The following NUP88 variants were observed in gnomAD, a reference collection of about 807,000 sequenced individuals.
NUP88 encodes the protein nuclear pore complex protein Nup88.
Under a neutral mutation model 93.9 loss-of-function variants are expected in NUP88, and 57 were observed. The ratio of observed to expected loss-of-function variants is 0.61; its 90% CI spans 0.49 to 0.76. The LOEUF is 0.76. Among genes scored for constraint, NUP88 ranks in the 30% least tolerant of loss-of-function variants. NUP88 has a pLI of 0.00. For synonymous variants in NUP88, 346 were observed against 336.8 expected (o/e 1.03, Z -0.30); for missense variants, 911 against 901.0 (o/e 1.01, Z -0.14).
chr17:5,416,180 T>TATATATATACACACAC, intron 2 of NUP88, among the ~76,000 whole-genome samples: 1 of 107,334 alleles, frequency 9.3e-6, no homozygotes, highest in South Asian at 3.4e-4. Flanking sequence ...TATATATATA[T>TATATATATACACACAC]ACACACATAC....
chr17:5,402,986 TCA>T (rs149934888), intron 7 of NUP88, among the ~76,000 whole-genome samples: 1 of 151,554 alleles, frequency 6.6e-6, no homozygotes, highest in African/African-American at 2.4e-5. Flanking sequence ...TGAGATCATA[TCA>T]CACACACACA....
chr17:5,396,316 C>T (rs937349182), intron 8 of NUP88, among the ~76,000 whole-genome samples: 1 of 152,226 alleles, frequency 6.6e-6, no homozygotes, highest in Non-Finnish European at 1.5e-5. Context: ...TACCAAACTT[C>T]CCAGACCTAG....
intron 8 of NUP88, among the ~76,000 whole-genome samples, chr17:5,395,915 G>T (rs1010733152): frequency 7.2e-5 from 11 of 152,164 alleles, no homozygotes; most frequent in African/African-American, 2.7e-4. Flanking sequence ...TTTAGTGTAA[G>T]AATTGTATAC....
At position 5,417,403 on chromosome 17, in the gene NUP88, G is replaced by T. The variant is rs112820512; in HGVS notation, c.298-721C>A. 5.9e-5 allele frequency among the ~76,000 whole-genome samples: 9 copies of T among 152,266 alleles called. No homozygotes were observed. The East Asian group carries it at 1.5e-3, about 26-fold the overall frequency. ...GGATCACTCGACCCCTGACAGTAGAGGCTCCAATGAGCCGTGATCACACCA... is the reference window on the plus strand; with the variant it reads ...GGATCACTCGACCCCTGACAGTAGATGCTCCAATGAGCCGTGATCACACCA... On this transcript the variant is annotated intron_variant, in intron 1 of 16. Coordinates refer to ENST00000573584, the MANE Select transcript of NUP88 (RefSeq NM_002532.6).
intron 10 of NUP88, 71 bp downstream of exon 10, chr17:5,391,490 G>T: frequency 8.1e-7 from 1 of 1,234,054 alleles, no homozygotes; most frequent in Non-Finnish European, 1.2e-6. Flanking sequence ...GTTGGTTACT[G>T]AGTGCATTTT....
rs1914445277 is a variant in NUP88 at position 5,419,373 on chromosome 17, G to A, written c.278C>T (p.Pro93Leu). Residue 93 changes from proline to leucine, a missense_variant, in exon 1 of 17, where the codon CCC (proline) becomes CTC (leucine). By Grantham distance (98) the Pro-to-Leu change is moderately conservative. Coordinates refer to ENST00000573584, the MANE Select transcript of NUP88 (RefSeq NM_002532.6). Reference sequence around the variant, plus strand: ...CATTACCTGGTACTGGGACAGGGCGGGCTCTTCGCCGCCGCCGCTGGGGCC... The same window carrying A: ...CATTACCTGGTACTGGGACAGGGCGAGCTCTTCGCCGCCGCCGCTGGGGCC... ...LRGPSGGGEE[P>L]ALSQYQRLLC... is the part of the protein sequence containing the mutation. The A allele has an allele frequency of 1.2e-6, 2 of 1,600,834 alleles. No individual in the cohort carries two copies. The highest frequency in any genetic ancestry group is 1.7e-6 in the Non-Finnish European group (2 of 1,174,316).
intron 7 of NUP88, among the ~76,000 whole-genome samples, chr17:5,403,658 TCAACAACAA>T (rs55871021): frequency 1.3e-5 from 2 of 150,298 alleles, no homozygotes; most frequent in Non-Finnish European, 3.0e-5. Flanking sequence ...AGACACCATC[TCAACAACAA>T]CAACAACAAC....
Position 5,388,980 on chromosome 17 carries a change from A to G in NUP88, c.1485-20T>C. The G allele has an allele frequency of 6.3e-7, 1 of 1,581,048 alleles. No individual in the cohort carries two copies. Among genetic ancestry groups the G allele is most frequent in the Non-Finnish European group, 8.6e-7 (1 of 1,160,520 alleles). ...GTACTTCTGCAAAATAAGTAAGTAA[A>G]TTGAATTCTACCATGGAGTGATTTA... is the stretch of plus-strand genomic sequence containing the variant. On this transcript the variant is annotated intron_variant, in intron 10 of 16. Coordinates refer to ENST00000573584, the MANE Select transcript of NUP88 (RefSeq NM_002532.6).
intron 2 of NUP88, among the ~76,000 whole-genome samples, chr17:5,416,159 A>ATATATATATATATATATAT (rs1302350232): frequency 1.4e-5 from 1 of 70,984 alleles, no homozygotes; most frequent in African/African-American, 4.9e-5. Context: ...AAAAAAAAAA[A>ATATATATATATATATATAT]AAAAAAAGTA....
At chr17:5,406,349 A>G (rs866580806) in intron 5 of NUP88, among the ~76,000 whole-genome samples, 2 of 152,226 alleles carry the variant, frequency 1.3e-5, no homozygotes, top group Middle Eastern at 3.2e-3. Flanking sequence ...ATTTAGTATG[A>G]TGGGAGGCAA....
intron 3 of NUP88, among the ~76,000 whole-genome samples, chr17:5,412,356 G>C (rs1469113861): frequency 1.3e-5 from 2 of 152,166 alleles, no homozygotes; most frequent in East Asian, 3.8e-4. Flanking sequence ...CAGATGTGGA[G>C]GTACCTGTAA....
rs755474341 is a variant in NUP88 at position 5,419,490 on chromosome 17, T to TGCG, written c.158_160dup (p.Pro53dup). ...AAAGACCACGTTTCTCGTCAGCAACTGCGGCGGCGGCGACGAAGGCAACGA... is the reference window on the plus strand; with the variant it reads ...AAAGACCACGTTTCTCGTCAGCAACTGCGGCGGCGGCGGCGACGAAGGCAACGA... On this transcript the variant is annotated inframe_insertion, in exon 1 of 17. Coordinates refer to ENST00000573584, the MANE Select transcript of NUP88 (RefSeq NM_002532.6). The TGCG allele has an allele frequency of 2.5e-6, 4 of 1,613,960 alleles. No homozygotes were observed. Among genetic ancestry groups the TGCG allele is most frequent in the Middle Eastern group, 1.7e-4 (1 of 6,060 alleles).
chr17:5,413,599 A>G (rs914966670), intron 3 of NUP88, among the ~76,000 whole-genome samples: 1 of 152,192 alleles, frequency 6.6e-6, no homozygotes, highest in African/African-American at 2.4e-5. Context: ...GCTCAATTTA[A>G]AAGATTGGAA....
chr17:5,386,102 C>A lies in NUP88; in HGVS notation c.*104G>T. On this transcript the variant is annotated 3_prime_UTR_variant, in exon 17 of 17. Transcript: ENST00000573584. ...TAAAAAGATGAACCACACCAAAGGT[C>A]ATCAAAACACCTTTTTATAAATTAG... is the stretch of plus-strand genomic sequence containing the variant. 1.3e-6 allele frequency: 1 copy of A among 788,106 alleles called. No homozygotes were observed. Among genetic ancestry groups the A allele is most frequent in the South Asian group, 1.9e-5 (1 of 52,384 alleles). The allele number at this position is 788,106 out of a possible 1,614,324, so 48.8% of individuals were successfully genotyped here. A position where few individuals can be genotyped will look rare whatever the true frequency, so the allele number is the denominator to read the frequency against.
intron 7 of NUP88, 86 bp from the exon 8 acceptor site, chr17:5,399,736 G>A (rs996501866): frequency 9.8e-6 from 6 of 613,428 alleles, no homozygotes; most frequent in Middle Eastern, 5.1e-4. Flanking sequence ...CTCCACATTA[G>A]CCTACAAACG....
At position 5,384,966 on chromosome 17, in the gene NUP88, G is replaced by C. The variant is rs1911826783; in HGVS notation, c.*1240C>G. 2 of 227,632 alleles carry C rather than the reference G, an allele frequency of 8.8e-6. No individual in the cohort carries two copies. The highest frequency in any genetic ancestry group is 1.1e-4 in the Admixed American group (2 of 17,564). 14.1% of individuals were successfully genotyped at this position (227,632 alleles called of 1,614,324 possible). ...AAAATTAGTGCTGTAAATCAGGGTGGGCAATTCACAGCCTTTCTGAACTGA... is the reference window on the plus strand; with the variant it reads ...AAAATTAGTGCTGTAAATCAGGGTGCGCAATTCACAGCCTTTCTGAACTGA... On this transcript the variant is annotated 3_prime_UTR_variant, in exon 17 of 17. Transcript: ENST00000573584.
At position 5,391,491 on chromosome 17, in the gene NUP88, A is replaced by G. The variant is rs1394138851; in HGVS notation, c.1484+70T>C. On this transcript the variant is annotated intron_variant, in intron 10 of 16. Transcript: ENST00000573584. ...ATGTATAGCTTCAAGTTGGTTACTG[A>G]GTGCATTTTCCCAACTTAGATATTG... 4.8e-6 allele frequency: 6 copies of G among 1,245,204 alleles called. No individual in the cohort carries two copies. The Admixed American group carries it at 1.0e-4, about 22-fold the overall frequency. The allele number at this position is 1,245,204 out of a possible 1,614,324, so 77.1% of individuals were successfully genotyped here. A position where few individuals can be genotyped will look rare whatever the true frequency, so the allele number is the denominator to read the frequency against.
intron 2 of NUP88, among the ~76,000 whole-genome samples, chr17:5,415,903 G>C (rs1222497027): frequency 6.6e-6 from 1 of 151,884 alleles, no homozygotes. Flanking sequence ...CCGGCACTTT[G>C]GGAGGCTAAG....
In NUP88 at chr17:5,391,560, C is replaced by A. The variant is rs1217943969; in HGVS notation, c.1484+1G>T. On this transcript the variant is annotated splice_donor_variant, in intron 10 of 16. Transcript: ENST00000573584. LOFTEE classifies it high-confidence loss of function. The stretch of plus-strand genomic sequence containing the variant: ...TGTGGAGAATATAAAATGGGACGTA[C>A]AATAACGGCCATATGAGGCATTCAT... 6.2e-7 allele frequency: 1 copy of A among 1,608,558 alleles called. No homozygotes were observed. Among genetic ancestry groups the A allele is most frequent in the Non-Finnish European group, 8.5e-7 (1 of 1,175,094 alleles).
Sources: gnomAD v4.1 joint callset for allele counts (sites outside exome capture counted in the v4.1 genomes callset) on GRCh38, gnomAD v4.1.1 for gene constraint, MANE v1.5 for transcripts, NCBI Gene and HGNC (gene_info 2026-07-23, HGNC 2026-07-21) for gene names.